Variants in SPINK5 observed in about 807,000 individuals in gnomAD.
The protein encoded by SPINK5 is serine peptidase inhibitor Kazal type 5.
SPINK5 carries 125 observed loss-of-function variants against 151.8 expected under a neutral mutation model. The ratio of observed to expected loss-of-function variants is 0.82; its 90% CI spans 0.71 to 0.96. The LOEUF (loss-of-function observed/expected upper bound fraction) is 0.96. SPINK5 is among the 40% of genes least tolerant of loss of function. The pLI is 0.00. For missense variants in SPINK5, 1,194 were observed against 1,291.9 expected (o/e 0.92, Z 1.16); for synonymous variants, 374 against 395.3 (o/e 0.95, Z 0.64).
chr5:148,107,169 G>A lies in SPINK5; in HGVS notation c.1607+5G>A, dbSNP rs1212523917. The A allele has an allele frequency of 3.1e-6, 5 of 1,611,110 alleles. No individual in the cohort carries two copies. The highest frequency in any genetic ancestry group is 1.1e-5 in the South Asian group (1 of 90,996). ...TGCCATGTGTGCCAGTGTGTTGTGA[G>A]TGTCCACCCCATCTCTCCCACTGAA... is the stretch of plus-strand genomic sequence containing the variant. On this transcript the variant is annotated splice_donor_5th_base_variant and intron_variant, in intron 17 of 32. Transcript: ENST00000256084.
intron 29 of SPINK5, among the ~76,000 whole-genome samples, chr5:148,126,390 T>C (rs1448929999): frequency 6.6e-6 from 1 of 152,146 alleles, no homozygotes; most frequent in African/African-American, 2.4e-5. Flanking sequence ...CTTTTCATAG[T>C]GAGTGTTCTT....
Position 148,125,851 on chromosome 5 carries a change from G to T in SPINK5, c.2867+1G>T, listed in dbSNP as rs766891702. ...AGTGCTACATGTGCAGAGCTGTCTT[G>T]TGAGTAAGAGGATTCTGCTCCCCCT... On this transcript the variant is annotated splice_donor_variant, in intron 29 of 32. Coordinates refer to ENST00000256084, the MANE Select transcript of SPINK5 (RefSeq NM_006846.4). LOFTEE classifies it high-confidence loss of function. 1 of 1,614,198 alleles carries T rather than the reference G, an allele frequency of 6.2e-7. No homozygotes were observed. Among genetic ancestry groups the T allele is most frequent in the Non-Finnish European group, 8.5e-7 (1 of 1,180,020 alleles).
chr5:148,127,162 T>C (rs1206793995), intron 30 of SPINK5, 83 bp downstream of exon 30: 7 of 1,228,562 alleles, frequency 5.7e-6, no homozygotes, highest in Non-Finnish European at 8.2e-6. Flanking sequence ...GCTATTTTCA[T>C]AGAAGGGTCT....
At chr5:148,126,867 C>CAG in intron 29 of SPINK5, 116 bp from the exon 30 acceptor site, 1 of 840,620 alleles carries the variant, frequency 1.2e-6, no homozygotes, top group Non-Finnish European at 1.8e-6. Flanking sequence ...GCTGGGGTTA[C>CAG]AGGCGTGAAC....
chr5:148,073,923 C>A (rs1480027238), intron 4 of SPINK5, among the ~76,000 whole-genome samples: 1 of 147,480 alleles, frequency 6.8e-6, no homozygotes, highest in East Asian at 2.0e-4. Flanking sequence ...TGGTTCACTA[C>A]TTAGGAAACT....
At chr5:148,124,635 AT>A (rs891611091) in intron 27 of SPINK5, 129 bp from the exon 28 acceptor site, 652 of 606,164 alleles carry the variant, frequency 1.1e-3, no homozygotes, top group East Asian at 1.5e-3. Context: ...ATATTCTTAG[AT>A]TTTTTTTTAG....
chr5:148,097,209 A>G (rs9325070), intron 10 of SPINK5, among the ~76,000 whole-genome samples: 14,926 of 151,866 alleles, frequency 0.098, 1,010 homozygotes, highest in East Asian at 0.32. Flanking sequence ...TTTGTAAAAC[A>G]AAGATTTGAT....
intron 4 of SPINK5, among the ~76,000 whole-genome samples, chr5:148,074,154 C>G (rs914103676): frequency 9.9e-5 from 15 of 151,752 alleles, no homozygotes; most frequent in Non-Finnish European, 1.9e-4. Flanking sequence ...AGAAATCAAC[C>G]CTGCTACTCC....
intron 20 of SPINK5, among the ~76,000 whole-genome samples, chr5:148,113,321 AAAAG>A (rs1405932903): frequency 1.3e-5 from 2 of 152,224 alleles, no homozygotes; most frequent in Non-Finnish European, 2.9e-5. Context: ...AATTCAGAGA[AAAAG>A]AAGAACTTGC....
At chr5:148,083,410 T>G (rs574603345) in intron 4 of SPINK5, among the ~76,000 whole-genome samples, 2 of 151,514 alleles carry the variant, frequency 1.3e-5, no homozygotes, top group African/African-American at 2.4e-5. Context: ...CATTTATATT[T>G]ATTGTTATTT....
chr5:148,109,234 G>C (rs1424534344), intron 18 of SPINK5, among the ~76,000 whole-genome samples: 1 of 152,068 alleles, frequency 6.6e-6, no homozygotes, highest in Non-Finnish European at 1.5e-5. Flanking sequence ...AATTATCTGT[G>C]AGATTTTGAG....
intron 1 of SPINK5, among the ~76,000 whole-genome samples, chr5:148,065,113 A>G (rs565070515): frequency 1.3e-5 from 2 of 152,276 alleles, no homozygotes; most frequent in Non-Finnish European, 2.9e-5. Context: ...ATTATTTTCC[A>G]AAGTAATTGT....
chr5:148,098,300 G>C (rs1307069232), intron 11 of SPINK5, among the ~76,000 whole-genome samples: 2 of 151,956 alleles, frequency 1.3e-5, no homozygotes, highest in African/African-American at 4.8e-5. Context: ...GCAATTTATA[G>C]GTATCTCATC....
intron 17 of SPINK5, 115 bp downstream of exon 17, chr5:148,107,279 TACAAGCAGATGGATAAG>T: frequency 7.1e-7 from 1 of 1,418,434 alleles, no homozygotes; most frequent in Admixed American, 1.7e-5. Flanking sequence ...TAGAAAGGTT[TACAAGCAGATGGATAAG>T]ACATTAAGTA....
chr5:148,079,232 G>A (rs749598391), intron 4 of SPINK5, among the ~76,000 whole-genome samples: 57 of 150,978 alleles, frequency 3.8e-4, no homozygotes, highest in Non-Finnish European at 6.7e-4. Context: ...AAGAAGAAAT[G>A]GAAAATCATA....
chr5:148,064,199 T>C (rs1204995622), intron 1 of SPINK5, 100 bp downstream of exon 1: 3 of 1,220,452 alleles, frequency 2.5e-6, no homozygotes, highest in African/African-American at 3.0e-5. Flanking sequence ...TGTTTACGTA[T>C]GCATGTATAA....
chr5:148,088,834 A>G (rs1753229800), intron 6 of SPINK5, among the ~76,000 whole-genome samples: 1 of 78,030 alleles, frequency 1.3e-5, no homozygotes, highest in South Asian at 6.0e-4. Flanking sequence ...GCTGCTTTGT[A>G]TAAAAAAAAA....
intron 2 of SPINK5, among the ~76,000 whole-genome samples, chr5:148,068,226 T>C (rs1459689714): frequency 6.6e-6 from 1 of 152,160 alleles, no homozygotes; most frequent in Non-Finnish European, 1.5e-5. Flanking sequence ...TGTGTAGCTA[T>C]AATAATCTTA....
At chr5:148,112,023 G>T (rs1269535362) in intron 19 of SPINK5, 128 bp downstream of exon 19, 1 of 1,385,264 alleles carries the variant, frequency 7.2e-7, no homozygotes, top group Non-Finnish European at 1.0e-6. Context: ...ACTGAGTTTG[G>T]AAATTTACTA....
Sources: allele counts gnomAD v4.1 joint callset (sites outside exome capture counted in the v4.1 genomes callset), GRCh38; gene constraint gnomAD v4.1.1; transcripts MANE v1.5; gene names NCBI Gene and HGNC (gene_info 2026-07-23, HGNC 2026-07-21).